Variants in GPR160 observed in about 807,000 individuals in gnomAD.
The protein encoded by GPR160 is probable G protein-coupled receptor 160.
GPR160 carries 2 observed loss-of-function variants against 2.6 expected under a neutral mutation model. That is an observed-to-expected ratio of 0.77 (90% CI 0.32 to 2.44). The LOEUF is 2.44. GPR160 is among the 30% of genes most tolerant of loss of function. The pLI, the probability that GPR160 is intolerant of heterozygous loss-of-function variation, is 0.11. For synonymous variants in GPR160, 130 were observed against 132.2 expected (o/e 0.98, Z 0.12); for missense variants, 351 against 383.6 (o/e 0.91, Z 0.71).
intron 2 of GPR160, chr3:170,077,047 A>G (rs1712890447): frequency 6.6e-6 from 1 of 152,200 alleles, no homozygotes; most frequent in Non-Finnish European, 1.5e-5. Flanking sequence ...GAAAAATTAT[A>G]TATACCTTTT....
Position 170,084,447 on chromosome 3 carries a change from G to A in GPR160, c.475G>A (p.Ala159Thr). The change falls in exon 4 of 4, where the codon GCC (alanine) becomes ACC (threonine). Residue 159 changes from alanine to threonine, a missense_variant. Coordinates refer to ENST00000355897, the MANE Select transcript of GPR160 (RefSeq NM_014373.3). ...SVLAYVLGDP[A>T]IYQSLKAQNA... ...CCTTGCTTATGTTTTGGGAGACCCA[G>A]CCATCTACCAAAGCCTGAAGGCACA... is the stretch of plus-strand genomic sequence containing the variant. 6.2e-7 allele frequency: 1 copy of A among 1,612,650 alleles called. No homozygotes were observed. The highest frequency in any genetic ancestry group is 8.5e-7 in the Non-Finnish European group (1 of 1,178,746).
intron 2 of GPR160, among the ~76,000 whole-genome samples, chr3:170,078,721 G>A (rs1482947573): frequency 2.0e-5 from 3 of 152,170 alleles, no homozygotes; most frequent in Non-Finnish European, 2.9e-5. Flanking sequence ...GCAGCAGACC[G>A]CTTTACGCAA....
intron 2 of GPR160, among the ~76,000 whole-genome samples, chr3:170,044,338 A>AAAAAAAG (rs1256624456): frequency 3.3e-5 from 5 of 151,670 alleles, no homozygotes; most frequent in Non-Finnish European, 7.4e-5. Context: ...AAAAAAAAAA[A>AAAAAAAG]AGAGAAGAGA....
chr3:170,058,539 T>C (rs748453336), intron 2 of GPR160, among the ~76,000 whole-genome samples: 13 of 152,180 alleles, frequency 8.5e-5, no homozygotes, highest in Non-Finnish European at 1.5e-4. Context: ...AGCAATAGAA[T>C]TGAAAACACA....
Position 170,084,309 on chromosome 3 carries a change from T to C in GPR160, c.337T>C (p.Phe113Leu), listed in dbSNP as rs1713296101. 6.2e-7 allele frequency: 1 copy of C among 1,609,222 alleles called. No homozygotes were observed. The highest frequency in any genetic ancestry group is 8.5e-7 in the Non-Finnish European group (1 of 1,176,866). ...TTATGGCTTTTTGCATTATCCAGTTTTCCTGACAGCTTGTATAGATTATTG... is the reference window on the plus strand; with the variant it reads ...TTATGGCTTTTTGCATTATCCAGTTCTCCTGACAGCTTGTATAGATTATTG... ...FTYGFLHYPV[F>L]LTACIDYCLN... The change falls in exon 4 of 4, where the codon TTC becomes CTC. Residue 113 changes from phenylalanine to leucine, a missense_variant. Transcript: ENST00000355897.
intron 2 of GPR160, among the ~76,000 whole-genome samples, chr3:170,061,246 G>A (rs1711935241): frequency 6.6e-6 from 1 of 150,814 alleles, no homozygotes; most frequent in Non-Finnish European, 1.5e-5. Context: ...CTGCACTCCA[G>A]CCTGGGTGAC....
At chr3:170,081,492 T>TCTTATGATA (rs1559993843) in intron 3 of GPR160, among the ~76,000 whole-genome samples, 14 of 152,218 alleles carry the variant, frequency 9.2e-5, no homozygotes, top group African/African-American at 3.1e-4. Flanking sequence ...ATTATTTGTA[T>TCTTATGATA]ACCTTAATAA....
intron 2 of GPR160, 144 bp downstream of exon 2, chr3:170,039,187 TATAAAC>T (rs1490706912): frequency 9.2e-5 from 14 of 152,142 alleles, no homozygotes; most frequent in Non-Finnish European, 2.1e-4. Context: ...TATATATAAA[TATAAAC>T]ATATATGTAT....
At chr3:170,044,646 C>T (rs183849809) in intron 2 of GPR160, among the ~76,000 whole-genome samples, 12 of 152,082 alleles carry the variant, frequency 7.9e-5, no homozygotes, top group Non-Finnish European at 1.5e-4. Context: ...GGATGGGGCA[C>T]CAAAAAGGCC....
chr3:170,053,845 G>C (rs1290255996), intron 2 of GPR160, among the ~76,000 whole-genome samples: 1 of 152,020 alleles, frequency 6.6e-6, no homozygotes, highest in Non-Finnish European at 1.5e-5. Context: ...TCTCAAGATG[G>C]TCATATGCTT....
intron 3 of GPR160, among the ~76,000 whole-genome samples, chr3:170,082,719 T>C (rs958593245): frequency 1.3e-5 from 2 of 152,118 alleles, no homozygotes; most frequent in African/African-American, 4.8e-5. Flanking sequence ...CCTCAGCCTC[T>C]TGAGTGGCTG....
intron 3 of GPR160, among the ~76,000 whole-genome samples, chr3:170,080,334 G>A (rs917375448): frequency 1.3e-5 from 2 of 152,204 alleles, no homozygotes; most frequent in Non-Finnish European, 2.9e-5. Context: ...TTCCATGATC[G>A]TGGTATTCAG....
chr3:170,080,614 T>A (rs575271018), intron 3 of GPR160, among the ~76,000 whole-genome samples: 5 of 152,174 alleles, frequency 3.3e-5, no homozygotes, highest in Non-Finnish European at 5.9e-5. Flanking sequence ...GTCCTCCTCC[T>A]CCCTACTTTT....
intron 2 of GPR160, among the ~76,000 whole-genome samples, chr3:170,073,260 C>T (rs1489491624): frequency 1.3e-5 from 2 of 152,008 alleles, no homozygotes; most frequent in African/African-American, 4.8e-5. Flanking sequence ...TATATCTACC[C>T]AGGATTGCAA....
intron 2 of GPR160, among the ~76,000 whole-genome samples, chr3:170,068,053 C>T (rs899728318): frequency 7.2e-5 from 11 of 152,126 alleles, no homozygotes; most frequent in African/African-American, 1.7e-4. Context: ...AAAATGTCTA[C>T]GTGGGTGGTG....
At chr3:170,080,007 A>G (rs369122203) in intron 3 of GPR160, 110 bp downstream of exon 3, 2 of 152,334 alleles carry the variant, frequency 1.3e-5, no homozygotes, top group African/African-American at 4.8e-5. Flanking sequence ...TAATACCTCC[A>G]AACTGGGCCA....
rs767902708 is a variant in GPR160, at chr3:170,050,801, C to T, written c.-193+11758C>T. Among the ~76,000 whole-genome samples the T allele has an allele frequency of 2.6e-5, 4 of 152,292 alleles. No individual in the cohort carries two copies. The East Asian group carries it at 7.7e-4, about 29-fold the overall frequency. On this transcript the variant is annotated intron_variant, in intron 2 of 3. Transcript: ENST00000355897. ...ATCAGTAGTTTGTTCCTTTGTATTG[C>T]TGAGTAGCATACAGTTTTATAAATG...
chr3:170,062,641 C>T, intron 2 of GPR160: 2 of 1,431,330 alleles, frequency 1.4e-6, no homozygotes, highest in Non-Finnish European at 1.9e-6. Context: ...CTTGTGATTC[C>T]ACCAATGCAG....
At chr3:170,054,720 C>A (rs1711544254) in intron 2 of GPR160, among the ~76,000 whole-genome samples, 1 of 151,882 alleles carries the variant, frequency 6.6e-6, no homozygotes, top group South Asian at 2.1e-4. Flanking sequence ...TGATATTTGT[C>A]ATCTTCTGTC....
Sources: allele counts gnomAD v4.1 joint callset (sites outside exome capture counted in the v4.1 genomes callset), GRCh38; gene constraint gnomAD v4.1.1; transcripts MANE v1.5; gene names NCBI Gene and HGNC (gene_info 2026-07-23, HGNC 2026-07-21).